Variants in CASD1 observed in about 807,000 individuals in gnomAD.
The protein encoded by CASD1 is CAS1 domain sialic acid O acetyltransferase 1.
CASD1 carries 41 observed loss-of-function variants against 100.0 expected under a neutral mutation model. That is an observed-to-expected ratio of 0.41 (90% CI 0.32 to 0.53). The LOEUF is 0.53. Among genes scored for constraint, CASD1 ranks in the 20% least tolerant of loss-of-function variants. The pLI is 0.25. For missense variants in CASD1, 774 were observed against 948.7 expected (o/e 0.82, Z 2.42); for synonymous variants, 321 against 315.6 (o/e 1.02, Z -0.18).
chr7:94,547,034 G>A (rs1463681188), intron 12 of CASD1, 62 bp from the exon 13 acceptor site: 2 of 985,964 alleles, frequency 2.0e-6, no homozygotes, highest in Admixed American at 2.1e-5. Flanking sequence ...CAAATAGAGA[G>A]TATTTAATAT....
At chr7:94,624,151 C>T in the CASD1 span, 4 of 368,214 alleles carry the variant, frequency 1.1e-5, no homozygotes. Flanking sequence ...TCGGACACAT[C>T]TGCAGTACCT....
chr7:94,580,766 CATACTTGGA>C, the CASD1 span, among the ~76,000 whole-genome samples: 1 of 152,242 alleles, frequency 6.6e-6, no homozygotes, highest in East Asian at 1.9e-4. Flanking sequence ...CCCTTTTGCT[CATACTTGGA>C]ATACTTCTTC....
Position 94,535,404 on chromosome 7 carries a change from A to G in CASD1, c.724A>G (p.Ser242Gly). 1 of 1,613,048 alleles carries G rather than the reference A, an allele frequency of 6.2e-7. No homozygotes were observed. The highest frequency in any genetic ancestry group is 8.5e-7 in the Non-Finnish European group (1 of 1,179,182). Residue 242 changes from serine to glycine, a missense_variant, in exon 8 of 18, where the codon AGT (serine) becomes GGT (glycine). By Grantham distance (56) the Ser-to-Gly change is moderately conservative. This residue lies in a region of CASD1 where 453 missense variants were observed against 532.6 expected (regional missense o/e 0.85). Coordinates refer to ENST00000297273, the MANE Select transcript of CASD1 (RefSeq NM_022900.5). ...TGAAGCTGCAGTCAGTATTTTGAATAGTAGCACCAGAAATTCTAAATCAAA... is the reference window on the plus strand; with the variant it reads ...TGAAGCTGCAGTCAGTATTTTGAATGGTAGCACCAGAAATTCTAAATCAAA... ...YNEAAVSILN[S>G]STRNSKSNVK...
the CASD1 span, chr7:94,585,074 T>A: frequency 1.2e-5 from 2 of 161,698 alleles, no homozygotes; most frequent in African/African-American, 2.4e-5. Context: ...GTTGCTCAAC[T>A]GGAACACGGA....
the CASD1 span, chr7:94,629,670 C>A: frequency 6.3e-7 from 1 of 1,597,538 alleles, no homozygotes; most frequent in East Asian, 2.2e-5. Context: ...GCAAATTAAA[C>A]AAAAAATTTA....
chr7:94,576,819 T>G, the CASD1 span, among the ~76,000 whole-genome samples: 1 of 152,204 alleles, frequency 6.6e-6, no homozygotes, highest in Non-Finnish European at 1.5e-5. Context: ...TCAACTGTGA[T>G]ATATCCTTTT....
At chr7:94,559,751 C>T (rs1416104012), downstream of CASD1, among the ~76,000 whole-genome samples, 1 of 152,076 alleles carries the variant, frequency 6.6e-6, no homozygotes, top group African/African-American at 2.4e-5. Flanking sequence ...TTGTCGAATT[C>T]CTGACCTCAG....
At chr7:94,576,696 C>T in the CASD1 span, among the ~76,000 whole-genome samples, 1 of 152,200 alleles carries the variant, frequency 6.6e-6, no homozygotes, top group Non-Finnish European at 1.5e-5. Context: ...TGTGTAGTCA[C>T]ACATTCCTCC....
At chr7:94,610,718 T>C in the CASD1 span, among the ~76,000 whole-genome samples, 1 of 152,012 alleles carries the variant, frequency 6.6e-6, no homozygotes, top group African/African-American at 2.4e-5. Flanking sequence ...GTGAAGACAA[T>C]CCATGGAATA....
chr7:94,575,464 A>C, the CASD1 span, among the ~76,000 whole-genome samples: 1 of 152,098 alleles, frequency 6.6e-6, no homozygotes, highest in South Asian at 2.1e-4. Flanking sequence ...TTGTATGTTC[A>C]ATTATATGGT....
the CASD1 span, chr7:94,588,436 G>A: frequency 7.8e-7 from 1 of 1,288,936 alleles, no homozygotes; most frequent in Non-Finnish European, 9.9e-7. Context: ...GTTTCATTCA[G>A]TCTTCCTTAA....
the CASD1 span, among the ~76,000 whole-genome samples, chr7:94,573,602 G>C: frequency 5.3e-5 from 8 of 152,300 alleles, no homozygotes; most frequent in East Asian, 1.4e-3. Flanking sequence ...TGCTGTAGTT[G>C]CTTATTAGTG....
chr7:94,588,982 C>T, the CASD1 span: 2 of 503,414 alleles, frequency 4.0e-6, no homozygotes, highest in East Asian at 3.6e-5. Context: ...CTCACAACAA[C>T]CCTAAGAGGT....
the CASD1 span, among the ~76,000 whole-genome samples, chr7:94,578,266 A>C: frequency 3.9e-5 from 6 of 152,154 alleles, no homozygotes; most frequent in Admixed American, 2.6e-4. Context: ...TTTCTACTTC[A>C]AATGCTTTAT....
the CASD1 span, among the ~76,000 whole-genome samples, chr7:94,573,125 G>A: frequency 2.0e-5 from 3 of 152,142 alleles, no homozygotes; most frequent in African/African-American, 7.2e-5. Flanking sequence ...GGTTACTGTA[G>A]CACTGTAGTA....
the CASD1 span, among the ~76,000 whole-genome samples, chr7:94,575,519 G>A: frequency 6.6e-6 from 1 of 152,078 alleles, no homozygotes; most frequent in African/African-American, 2.4e-5. Flanking sequence ...TGCATACTCT[G>A]TTTTTTTGGG....
At position 94,547,185 on chromosome 7, in the gene CASD1, A is replaced by G. The variant is rs370593976; in HGVS notation, c.1713+10A>G. 9.8e-6 allele frequency: 15 copies of G among 1,535,202 alleles called. No homozygotes were observed. In the African/African-American group the frequency reaches 1.1e-4, roughly 11 times the overall value. ...TTTGGCATATTCTCAGGTTTGTACA[A>G]TCTTTTCAGTTTATATTTTTTCATA... On this transcript the variant is annotated intron_variant, in intron 13 of 17. Transcript: ENST00000297273.
chr7:94,607,506 A>G, the CASD1 span, among the ~76,000 whole-genome samples: 1 of 152,224 alleles, frequency 6.6e-6, no homozygotes, highest in African/African-American at 2.4e-5. Flanking sequence ...CAACATCCAA[A>G]AATCAGTTAA....
intron 1 of CASD1, among the ~76,000 whole-genome samples, chr7:94,515,854 T>C (rs1793954743): frequency 6.6e-6 from 1 of 152,184 alleles, no homozygotes; most frequent in South Asian, 2.1e-4. Context: ...ACTTTTAACT[T>C]GGTTTAATAG....
Sources: gnomAD v4.1 joint callset for allele counts (sites outside exome capture counted in the v4.1 genomes callset) on GRCh38, gnomAD v4.1.1 for gene constraint, gnomAD v4.1.1 regional missense constraint, MANE v1.5 for transcripts, NCBI Gene and HGNC (gene_info 2026-07-23, HGNC 2026-07-21) for gene names.